RBFOX1: variants seen among roughly 807,000 people sequenced by gnomAD.
RBFOX1 encodes RNA binding fox-1 homolog 1.
RBFOX1 carries 8 observed loss-of-function variants against 57.7 expected under a neutral mutation model. The ratio of observed to expected loss-of-function variants is 0.14; its 90% CI spans 0.08 to 0.25. The LOEUF is 0.25. Among genes scored for constraint, RBFOX1 ranks in the 10% least tolerant of loss-of-function variants. The pLI is 1.00. For missense variants in RBFOX1, 611 were observed against 548.5 expected, an observed-to-expected ratio of 1.11 and a Z score of -1.14; for synonymous variants, 326 against 222.4, an observed-to-expected ratio of 1.47 and a Z score of -4.15.
At chr16:7,038,610 T>C (rs765420589) in intron 3 of RBFOX1, among the ~76,000 whole-genome samples, 39 of 152,290 alleles carry the variant, frequency 2.6e-4, no homozygotes, top group Middle Eastern at 6.8e-3. Context: ...AGGCTCTTCA[T>C]GGCCAGGGGC....
chr16:7,020,813 G>T (rs182827495), intron 3 of RBFOX1, among the ~76,000 whole-genome samples: 5 of 152,006 alleles, frequency 3.3e-5, no homozygotes, highest in Admixed American at 6.6e-5. Context: ...CACCCTGACC[G>T]GCTTAAGTGA....
At chr16:6,152,128 T>C (rs2096801802) in intron 1 of RBFOX1, among the ~76,000 whole-genome samples, 1 of 152,208 alleles carries the variant, frequency 6.6e-6, no homozygotes, top group Non-Finnish European at 1.5e-5. Flanking sequence ...TCAAAGCTGA[T>C]GGAATACACT....
At chr16:6,911,663 A>G (rs2071636370) in intron 3 of RBFOX1, among the ~76,000 whole-genome samples, 1 of 152,204 alleles carries the variant, frequency 6.6e-6, no homozygotes, top group Admixed American at 6.5e-5. Context: ...TTTTGGTGGG[A>G]ACAAAGTTCA....
At chr16:7,096,814 C>T (rs1471464340) in intron 4 of RBFOX1, among the ~76,000 whole-genome samples, 1 of 151,530 alleles carries the variant, frequency 6.6e-6, no homozygotes, top group Non-Finnish European at 1.5e-5. Context: ...CCCCTGTAAT[C>T]CCAGCTACGT....
chr16:7,201,495 C>T (rs1656208504), intron 4 of RBFOX1, among the ~76,000 whole-genome samples: 2 of 146,820 alleles, frequency 1.4e-5, no homozygotes, highest in South Asian at 2.1e-4. Flanking sequence ...CAGTTTTGCT[C>T]TTGTCGCCCA....
At chr16:7,315,618 T>C (rs2096419817) in intron 4 of RBFOX1, among the ~76,000 whole-genome samples, 1 of 150,058 alleles carries the variant, frequency 6.7e-6, no homozygotes, top group Admixed American at 6.7e-5. Flanking sequence ...AGATAGTCTT[T>C]TATAGCCTTC....
chr16:6,593,356 A>T (rs1313867976), intron 2 of RBFOX1, among the ~76,000 whole-genome samples: 1 of 152,160 alleles, frequency 6.6e-6, no homozygotes, highest in African/African-American at 2.4e-5. Flanking sequence ...AAAGGGTTAA[A>T]ATCATGCGGA....
chr16:6,732,979 G>T (rs1016492796), intron 3 of RBFOX1, among the ~76,000 whole-genome samples: 4 of 152,178 alleles, frequency 2.6e-5, no homozygotes, highest in African/African-American at 4.8e-5. Flanking sequence ...TTTGCAGAAG[G>T]AATTATAATT....
intron 4 of RBFOX1, among the ~76,000 whole-genome samples, chr16:7,482,379 G>C (rs918653644): frequency 3.3e-5 from 5 of 152,088 alleles, no homozygotes; most frequent in African/African-American, 4.8e-5. Flanking sequence ...AGTCCGCACA[G>C]CTGACAGTGA....
intron 3 of RBFOX1, among the ~76,000 whole-genome samples, chr16:5,747,988 T>C (rs1339255097): frequency 6.6e-6 from 1 of 152,186 alleles, no homozygotes; most frequent in East Asian, 1.9e-4. Context: ...TTTAGATCTT[T>C]CCTGCTTTCT....
intron 4 of RBFOX1, among the ~76,000 whole-genome samples, chr16:7,331,313 G>C (rs781440949): frequency 6.6e-6 from 1 of 152,176 alleles, no homozygotes; most frequent in African/African-American, 2.4e-5. Context: ...CCTGTTTAGA[G>C]TGAGCAGTGG....
At chr16:7,599,770 C>A (rs1367068273) in intron 9 of RBFOX1, among the ~76,000 whole-genome samples, 1 of 148,804 alleles carries the variant, frequency 6.7e-6, no homozygotes, top group African/African-American at 2.5e-5. Context: ...GTAGCTGGGA[C>A]TACAGCCACA....
rs182870077 is a variant in RBFOX1, at chr16:6,905,274, C to G, written c.-15-146783C>G. On this transcript the variant is annotated intron_variant, in intron 3 of 15. Transcript: ENST00000550418. ...AAAAAAAAATTAAAAAAAAGAATGG[C>G]TGGCCTCAGTAGGTCATTCCTGTAA... 3.7e-4 allele frequency among the ~76,000 whole-genome samples: 57 copies of G among 152,078 alleles called. No individual in the cohort carries two copies. The Middle Eastern group carries it at 0.01, about 27-fold the overall frequency.
chr16:6,368,769 G>C (rs1247209178), intron 2 of RBFOX1, among the ~76,000 whole-genome samples: 1 of 152,212 alleles, frequency 6.6e-6, no homozygotes, highest in Non-Finnish European at 1.5e-5. Context: ...AGGTAAGAGA[G>C]GAAGAGCCCA....
intron 1 of RBFOX1, among the ~76,000 whole-genome samples, chr16:6,309,641 A>G (rs754238254): frequency 1.1e-4 from 17 of 151,822 alleles, no homozygotes; most frequent in Non-Finnish European, 2.2e-4. Flanking sequence ...ACACACCAAC[A>G]ATAAGGCTCA....
At chr16:6,935,776 G>A (rs144105112) in intron 3 of RBFOX1, among the ~76,000 whole-genome samples, 42 of 152,298 alleles carry the variant, frequency 2.8e-4, no homozygotes, top group African/African-American at 8.7e-4. Flanking sequence ...GTAGAGGCGA[G>A]GTGGACTGTC....
chr16:7,568,971 A>G (rs1490519870), intron 5 of RBFOX1, among the ~76,000 whole-genome samples: 2 of 150,162 alleles, frequency 1.3e-5, no homozygotes, highest in East Asian at 2.0e-4. Context: ...TCCAGCCCCT[A>G]TTCAAGATGG....
chr16:7,090,323 A>G (rs965475483), intron 4 of RBFOX1, among the ~76,000 whole-genome samples: 3 of 152,212 alleles, frequency 2.0e-5, no homozygotes, highest in Non-Finnish European at 4.4e-5. Context: ...TTAATAGCAC[A>G]CGATTTCAGT....
intron 2 of RBFOX1, among the ~76,000 whole-genome samples, chr16:6,414,822 C>A (rs897770152): frequency 6.6e-6 from 1 of 152,120 alleles, no homozygotes; most frequent in African/African-American, 2.4e-5. Flanking sequence ...TTCATTGGCA[C>A]AACTGGAAGA....
Sources: gnomAD v4.1 joint callset for allele counts (sites outside exome capture counted in the v4.1 genomes callset) on GRCh38, gnomAD v4.1.1 for gene constraint, MANE v1.5 for transcripts, NCBI Gene and HGNC (gene_info 2026-07-23, HGNC 2026-07-21) for gene names.